Variants in OPCML observed in about 807,000 individuals in gnomAD.
OPCML encodes the protein opioid binding protein/cell adhesion molecule like.
In OPCML, 13 loss-of-function variants were observed where a neutral mutation model predicts 37.8. The ratio of observed to expected loss-of-function variants is 0.34; its 90% CI spans 0.22 to 0.55. The LOEUF is 0.55. Among genes scored for constraint, OPCML ranks in the 20% least tolerant of loss-of-function variants. The pLI is 0.91. For missense variants in OPCML, 341 were observed against 435.6 expected (o/e 0.78, Z 1.93); for synonymous variants, 176 against 168.8 (o/e 1.04, Z -0.33).
rs1363330931 is a variant in OPCML at position 133,026,198 on chromosome 11, C to T, written c.62-83188G>A. 4.2e-6 allele frequency: 3 copies of T among 713,086 alleles called. No homozygotes were observed. The African/African-American group carries it at 5.8e-5, about 14-fold the overall frequency. 44.2% of individuals were successfully genotyped at this position (713,086 alleles called of 1,614,324 possible). On this transcript the variant is annotated intron_variant, in intron 1 of 7. Coordinates refer to ENST00000524381, the MANE Select transcript of OPCML (RefSeq NM_001012393.5). ...CTTAATCACGATGAAGCTTTGTAAT[C>T]TGTAAAGCTTTCGAGCCAGGTTAGA...
At chr11:133,488,720 C>T (rs1947587063) in intron 1 of OPCML, among the ~76,000 whole-genome samples, 1 of 151,988 alleles carries the variant, frequency 6.6e-6, no homozygotes, top group Non-Finnish European at 1.5e-5. Context: ...TTATAAAAAA[C>T]AATGCTAAAT....
At chr11:133,373,054 G>T (rs745385351) in intron 1 of OPCML, among the ~76,000 whole-genome samples, 21 of 152,006 alleles carry the variant, frequency 1.4e-4, no homozygotes, top group Non-Finnish European at 2.6e-4. Flanking sequence ...TTCAAAAAAA[G>T]AAAAGACAAA....
At chr11:133,326,493 GGTGT>G (rs1333220057) in intron 1 of OPCML, among the ~76,000 whole-genome samples, 2 of 143,774 alleles carry the variant, frequency 1.4e-5, no homozygotes, top group African/African-American at 5.4e-5. Context: ...AGGGGGTGTG[GGTGT>G]GTGTATGTGT....
At chr11:133,207,088 C>G (rs1361627514) in intron 1 of OPCML, among the ~76,000 whole-genome samples, 2 of 146,544 alleles carry the variant, frequency 1.4e-5, no homozygotes, top group Non-Finnish European at 3.0e-5. Flanking sequence ...GAGATCGAGA[C>G]CATCCTGGCT....
At chr11:132,573,817 T>G (rs1368647773) in intron 3 of OPCML, among the ~76,000 whole-genome samples, 1 of 152,008 alleles carries the variant, frequency 6.6e-6, no homozygotes, top group Admixed American at 6.6e-5. Flanking sequence ...CCTTAATTAT[T>G]TCCATGTTTG....
intron 1 of OPCML, among the ~76,000 whole-genome samples, chr11:133,469,011 T>TG (rs140838687): frequency 2.0e-5 from 3 of 152,126 alleles, no homozygotes; most frequent in Admixed American, 2.0e-4. Context: ...CCCCAGAGAC[T>TG]GGGGGGCCTA....
At chr11:132,433,862 C>A (rs1415982186) in intron 7 of OPCML, among the ~76,000 whole-genome samples, 4 of 152,226 alleles carry the variant, frequency 2.6e-5, no homozygotes, top group Non-Finnish European at 5.9e-5. Context: ...CAGAAACCTG[C>A]ATCTTGGACT....
intron 4 of OPCML, among the ~76,000 whole-genome samples, chr11:132,440,419 G>C (rs1345018936): frequency 6.6e-6 from 1 of 152,088 alleles, no homozygotes; most frequent in Non-Finnish European, 1.5e-5. Context: ...ATGCCCAGGG[G>C]CTGCCTCCAT....
Position 132,745,264 on chromosome 11 carries a change from G to C in OPCML, c.147-87945C>G, listed in dbSNP as rs151198738. 5.6e-4 allele frequency among the ~76,000 whole-genome samples: 85 copies of C among 152,230 alleles called. No individual in the cohort carries two copies. In the East Asian group the frequency reaches 0.016, roughly 28 times the overall value. ...CCGCTTCTTTCCAACTACCCAAAAA[G>C]AGCCGTCTCATAAGACCATGTTCCA... On this transcript the variant is annotated intron_variant, in intron 2 of 7. Transcript: ENST00000524381.
intron 1 of OPCML, among the ~76,000 whole-genome samples, chr11:133,396,374 A>AT (rs893468943): frequency 7.3e-5 from 11 of 151,536 alleles, no homozygotes; most frequent in African/African-American, 2.2e-4. Flanking sequence ...AATGCCCTTT[A>AT]TTTTTTTTCT....
chr11:132,598,968 T>C (rs1446204273), intron 3 of OPCML, among the ~76,000 whole-genome samples: 1 of 152,194 alleles, frequency 6.6e-6, no homozygotes, highest in Non-Finnish European at 1.5e-5. Context: ...TTTGTCACTA[T>C]TCAGCAGACA....
At chr11:132,693,553 A>G (rs189974025) in intron 2 of OPCML, among the ~76,000 whole-genome samples, 7 of 152,192 alleles carry the variant, frequency 4.6e-5, no homozygotes, top group Non-Finnish European at 1.0e-4. Context: ...AAAAAGGAAA[A>G]TTCAGCTTAA....
chr11:132,766,099 T>TA (rs149991877), intron 2 of OPCML, among the ~76,000 whole-genome samples: 55,215 of 148,686 alleles, frequency 0.37, 10,242 homozygotes, highest in Middle Eastern at 0.45. Flanking sequence ...GCTTATAATT[T>TA]AAAAAAAAAA....
chr11:132,593,407 T>G (rs565281955), intron 3 of OPCML, among the ~76,000 whole-genome samples: 3 of 152,180 alleles, frequency 2.0e-5, no homozygotes, highest in Non-Finnish European at 4.4e-5. Context: ...GTCGGTTTCC[T>G]GTAGACCATG....
At chr11:133,346,458 C>G (rs1944003003) in intron 1 of OPCML, among the ~76,000 whole-genome samples, 3 of 152,176 alleles carry the variant, frequency 2.0e-5, no homozygotes, top group Admixed American at 2.0e-4. Context: ...GTGAATGCTA[C>G]TAGGGGACTA....
At chr11:132,504,275 C>A (rs558186173) in intron 4 of OPCML, among the ~76,000 whole-genome samples, 1 of 152,286 alleles carries the variant, frequency 6.6e-6, no homozygotes, top group East Asian at 1.9e-4. Context: ...CCATAGCTAT[C>A]TTTACCCTTA....
chr11:132,789,849 T>A (rs1937778710), intron 2 of OPCML, among the ~76,000 whole-genome samples: 1 of 152,162 alleles, frequency 6.6e-6, no homozygotes, highest in Non-Finnish European at 1.5e-5. Flanking sequence ...GCTGAAGGTG[T>A]CATCCAGAAA....
chr11:133,191,498 T>TGG (rs1555111877), intron 1 of OPCML, among the ~76,000 whole-genome samples: 1 of 122,656 alleles, frequency 8.2e-6, no homozygotes, highest in Non-Finnish European at 1.7e-5. Flanking sequence ...CTTTTCTGTG[T>TGG]GTGTGGGTGT....
intron 1 of OPCML, among the ~76,000 whole-genome samples, chr11:133,200,187 C>T (rs1206187954): frequency 3.3e-5 from 5 of 152,160 alleles, no homozygotes; most frequent in African/African-American, 4.8e-5. Flanking sequence ...CCTGAGATGT[C>T]GCCCCTGACT....
Sources: gnomAD v4.1 joint callset for allele counts (sites outside exome capture counted in the v4.1 genomes callset) on GRCh38, gnomAD v4.1.1 for gene constraint, MANE v1.5 for transcripts, NCBI Gene and HGNC (gene_info 2026-07-23, HGNC 2026-07-21) for gene names.